FGF12: variants seen among roughly 807,000 people sequenced by gnomAD.
FGF12 encodes fibroblast growth factor 12B.
Under a neutral mutation model 23.6 loss-of-function variants are expected in FGF12, and 14 were observed. The ratio of observed to expected loss-of-function variants is 0.59; its 90% CI spans 0.39 to 0.93. FGF12 has a LOEUF of 0.93. FGF12 is among the 40% of genes least tolerant of loss of function. The probability of loss-of-function intolerance (pLI) is 0.00; values close to 1 mark genes in which losing one functional copy is unlikely to be tolerated. For missense variants in FGF12, 175 were observed against 217.8 expected (o/e 0.80, Z 1.24); for synonymous variants, 62 against 77.3 (o/e 0.80, Z 1.04).
chr3:192,711,354 T>C (rs906426593), intron 2 of FGF12, among the ~76,000 whole-genome samples: 1 of 151,122 alleles, frequency 6.6e-6, no homozygotes, highest in African/African-American at 2.4e-5. Flanking sequence ...CCAGCCGCCG[T>C]CCCGTCCGGG....
chr3:192,431,813 T>C (rs1450446477), intron 2 of FGF12, among the ~76,000 whole-genome samples: 2 of 152,218 alleles, frequency 1.3e-5, no homozygotes, highest in East Asian at 1.9e-4. Context: ...CCATTGCTTA[T>C]CAGATAACAG....
intron 3 of FGF12, among the ~76,000 whole-genome samples, chr3:192,337,393 G>T (rs1021493316): frequency 6.6e-6 from 1 of 152,102 alleles, no homozygotes; most frequent in Non-Finnish European, 1.5e-5. Context: ...AGTAATGTGT[G>T]TATGCAGAAA....
intron 4 of FGF12, among the ~76,000 whole-genome samples, chr3:192,281,189 C>A (rs1255178067): frequency 1.3e-5 from 2 of 152,174 alleles, no homozygotes; most frequent in Non-Finnish European, 2.9e-5. Flanking sequence ...AAAACGTCAG[C>A]AAGGCCATCT....
At chr3:192,543,001 T>G (rs947203749) in intron 2 of FGF12, among the ~76,000 whole-genome samples, 3 of 152,084 alleles carry the variant, frequency 2.0e-5, no homozygotes, top group Admixed American at 6.5e-5. Context: ...TGGTTACCAC[T>G]GCCTGACTAT....
intron 2 of FGF12, among the ~76,000 whole-genome samples, chr3:192,613,729 C>G (rs1489041151): frequency 6.6e-6 from 1 of 151,866 alleles, no homozygotes. Flanking sequence ...AAGCAAACTA[C>G]CAAGACACAT....
intron 2 of FGF12, among the ~76,000 whole-genome samples, chr3:192,567,738 TTTC>T (rs1019716080): frequency 1.5e-4 from 7 of 45,842 alleles, no homozygotes; most frequent in Non-Finnish European, 3.1e-4. Flanking sequence ...CATGTGTCTC[TTTC>T]TTTCTTTCTT....
At chr3:192,446,452 C>G (rs979258932) in intron 2 of FGF12, among the ~76,000 whole-genome samples, 8 of 152,140 alleles carry the variant, frequency 5.3e-5, no homozygotes, top group Admixed American at 3.3e-4. Context: ...AGCAAATGCT[C>G]GTTGAGCACC....
chr3:192,246,739 C>T (rs533233279), intron 4 of FGF12, among the ~76,000 whole-genome samples: 20 of 150,018 alleles, frequency 1.3e-4, no homozygotes, highest in South Asian at 8.5e-4. Flanking sequence ...GCAGGAGAAT[C>T]GCTTGAACCC....
intron 2 of FGF12, among the ~76,000 whole-genome samples, chr3:192,540,356 C>T (rs1250159139): frequency 8.6e-5 from 13 of 151,956 alleles, no homozygotes; most frequent in Admixed American, 8.5e-4. Context: ...TCATTTGTTT[C>T]AAGATTTTTT....
chr3:192,226,461 AT>A (rs1718741971), intron 4 of FGF12, among the ~76,000 whole-genome samples: 1 of 152,212 alleles, frequency 6.6e-6, no homozygotes, highest in African/African-American at 2.4e-5. Context: ...ACAACATAAA[AT>A]GCCATTACTG....
chr3:192,152,429 C>T (rs1242073816), intron 5 of FGF12, among the ~76,000 whole-genome samples: 5 of 135,212 alleles, frequency 3.7e-5, no homozygotes, highest in African/African-American at 1.1e-4. Flanking sequence ...TGGATCTTTC[C>T]TGCTTTCTCT....
chr3:192,632,795 C>A (rs764415578), intron 2 of FGF12, among the ~76,000 whole-genome samples: 1 of 152,098 alleles, frequency 6.6e-6, no homozygotes, highest in Non-Finnish European at 1.5e-5. Context: ...AAAGGGGCAC[C>A]TTAAAACAAC....
intron 2 of FGF12, among the ~76,000 whole-genome samples, chr3:192,512,290 C>T (rs1301396353): frequency 1.3e-5 from 2 of 152,036 alleles, no homozygotes; most frequent in Admixed American, 6.5e-5. Context: ...TGCATATGCA[C>T]ACTGGGCATG....
chr3:192,563,087 A>G (rs981866342), intron 2 of FGF12, among the ~76,000 whole-genome samples: 1 of 152,262 alleles, frequency 6.6e-6, no homozygotes, highest in African/African-American at 2.4e-5. Context: ...TTTATATGCC[A>G]TGAAAGAAGA....
chr3:192,245,396 G>A (rs927660661), intron 4 of FGF12, among the ~76,000 whole-genome samples: 1 of 152,110 alleles, frequency 6.6e-6, no homozygotes, highest in Non-Finnish European at 1.5e-5. Context: ...GGGATTACAG[G>A]TGTGAGCCCC....
intron 2 of FGF12, among the ~76,000 whole-genome samples, chr3:192,497,717 C>T (rs1036104112): frequency 2.0e-5 from 3 of 152,308 alleles, no homozygotes; most frequent in African/African-American, 7.2e-5. Flanking sequence ...TGCTTCCTCA[C>T]TTCCTTGGTC....
chr3:192,679,656 G>T (rs1717449982), intron 2 of FGF12, among the ~76,000 whole-genome samples: 1 of 151,626 alleles, frequency 6.6e-6, no homozygotes, highest in African/African-American at 2.4e-5. Flanking sequence ...ATCATAGATA[G>T]ACATCTAGAT....
chr3:192,540,768 ATCTT>A (rs2108576526), intron 2 of FGF12, among the ~76,000 whole-genome samples: 1 of 152,270 alleles, frequency 6.6e-6, no homozygotes, highest in East Asian at 1.9e-4. Flanking sequence ...GTTGGAGTCT[ATCTT>A]TCTCTTTAGC....
At chr3:192,474,934 C>T (rs543305424) in intron 2 of FGF12, among the ~76,000 whole-genome samples, 24 of 151,240 alleles carry the variant, frequency 1.6e-4, no homozygotes, top group Admixed American at 1.2e-3. Context: ...AAACAAAGCC[C>T]ACAAAGAGAG....
Sources: gnomAD v4.1 joint callset for allele counts (sites outside exome capture counted in the v4.1 genomes callset) on GRCh38, gnomAD v4.1.1 for gene constraint, MANE v1.5 for transcripts, NCBI Gene and HGNC (gene_info 2026-07-23, HGNC 2026-07-21) for gene names.